Variants in SPIDR observed in about 807,000 individuals in gnomAD.
The protein encoded by SPIDR is DNA repair-scaffolding protein.
In SPIDR, 93 loss-of-function variants were observed where a neutral mutation model predicts 104.6. The ratio of observed to expected loss-of-function variants is 0.89; its 90% CI spans 0.75 to 1.06. The LOEUF (loss-of-function observed/expected upper bound fraction) is 1.06, where lower values mean the gene tolerates loss of function less well. SPIDR is among the 50% of genes least tolerant of loss of function. SPIDR has a pLI of 0.00. For missense variants in SPIDR, 1,154 were observed against 1,111.2 expected (o/e 1.04, Z -0.55); for synonymous variants, 431 against 416.9 (o/e 1.03, Z -0.41).
chr8:47,294,018 G>A lies in SPIDR; in HGVS notation c.513G>A (p.Ser171=), dbSNP rs1254655877. ...NQSLTSDEKL[S]ELPKPSSIEI... is the part of the protein sequence containing the mutation. Reference sequence around the variant, plus strand: ...CTTTGACAAGTGATGAGAAGCTGTCGGAGCTTCCCAAGGTAAGAATGAAGT... The same window carrying A: ...CTTTGACAAGTGATGAGAAGCTGTCAGAGCTTCCCAAGGTAAGAATGAAGT... Residue 171 remains serine (S), a synonymous_variant, in exon 5 of 20, where the codon TCG becomes TCA. Coordinates refer to ENST00000297423, the MANE Select transcript of SPIDR (RefSeq NM_001080394.4). 1.4e-5 allele frequency: 23 copies of A among 1,613,194 alleles called. No homozygotes were observed. In the Admixed American group the frequency reaches 2.5e-4, roughly 18 times the overall value.
At chr8:47,334,777 T>C (rs1466130381) in intron 5 of SPIDR, among the ~76,000 whole-genome samples, 2 of 152,222 alleles carry the variant, frequency 1.3e-5, no homozygotes, top group Non-Finnish European at 1.5e-5. Flanking sequence ...TGGATTAATA[T>C]CTACCATATT....
chr8:47,303,670 C>T (rs894344709), intron 5 of SPIDR, among the ~76,000 whole-genome samples: 1 of 152,148 alleles, frequency 6.6e-6, no homozygotes, highest in Non-Finnish European at 1.5e-5. Flanking sequence ...TATTTATTTG[C>T]ATATGTTGAA....
chr8:47,432,237 G>T (rs1220706659), intron 7 of SPIDR, among the ~76,000 whole-genome samples: 4 of 152,186 alleles, frequency 2.6e-5, no homozygotes, highest in African/African-American at 7.2e-5. Flanking sequence ...AGTTTTTAGT[G>T]CATGTTAATG....
intron 8 of SPIDR, among the ~76,000 whole-genome samples, chr8:47,461,477 A>C (rs2073921553): frequency 1.3e-5 from 2 of 152,068 alleles, no homozygotes; most frequent in Admixed American, 6.6e-5. Flanking sequence ...AGGTCCAGCT[A>C]ATTTTTGTAT....
At chr8:47,513,741 T>G (rs2082708599) in intron 8 of SPIDR, among the ~76,000 whole-genome samples, 1 of 152,204 alleles carries the variant, frequency 6.6e-6, no homozygotes, top group Non-Finnish European at 1.5e-5. Flanking sequence ...ATGTTTCATT[T>G]TATTTTTAGA....
At chr8:47,573,052 T>C (rs1001412166) in intron 8 of SPIDR, among the ~76,000 whole-genome samples, 4 of 152,244 alleles carry the variant, frequency 2.6e-5, no homozygotes, top group Non-Finnish European at 4.4e-5. Flanking sequence ...TTTACATTAA[T>C]TTTTCAGGTA....
intron 8 of SPIDR, among the ~76,000 whole-genome samples, chr8:47,587,842 T>C (rs146231833): frequency 0.014 from 2,107 of 151,082 alleles, 36 homozygotes; most frequent in East Asian, 0.045. Context: ...GTAGTATATT[T>C]CTGGGTTCTT....
intron 8 of SPIDR, among the ~76,000 whole-genome samples, chr8:47,456,428 C>T (rs140534195): frequency 1.8e-3 from 280 of 152,248 alleles, no homozygotes; most frequent in African/African-American, 6.6e-3. Context: ...TATTTTGTTA[C>T]GATAGCTCTA....
chr8:47,606,784 A>G (rs1219800249), intron 10 of SPIDR, among the ~76,000 whole-genome samples: 1 of 152,202 alleles, frequency 6.6e-6, no homozygotes, highest in Non-Finnish European at 1.5e-5. Context: ...TGCTGGGTGA[A>G]TACAGCTCTT....
chr8:47,280,342 C>T (rs1385850857), intron 2 of SPIDR, among the ~76,000 whole-genome samples: 2 of 150,966 alleles, frequency 1.3e-5, no homozygotes, highest in East Asian at 3.9e-4. Context: ...GCTATCTTGC[C>T]TCAGCGTGTC....
intron 10 of SPIDR, among the ~76,000 whole-genome samples, chr8:47,636,031 T>A (rs2067870644): frequency 6.6e-6 from 1 of 152,244 alleles, no homozygotes; most frequent in African/African-American, 2.4e-5. Flanking sequence ...GATAGAGCAT[T>A]TATTTACTAC....
chr8:47,451,252 T>G (rs1554705778), intron 8 of SPIDR, among the ~76,000 whole-genome samples: 1 of 151,990 alleles, frequency 6.6e-6, no homozygotes, highest in African/African-American at 2.4e-5. Context: ...CAAAGAGAAA[T>G]TCTGGAGCTG....
intron 8 of SPIDR, among the ~76,000 whole-genome samples, chr8:47,489,275 C>T (rs1440334760): frequency 1.3e-5 from 2 of 152,110 alleles, no homozygotes; most frequent in African/African-American, 2.4e-5. Flanking sequence ...GAATAAAATA[C>T]CTGGGAATCC....
intron 8 of SPIDR, among the ~76,000 whole-genome samples, chr8:47,539,120 C>G (rs2087567812): frequency 6.6e-6 from 1 of 151,986 alleles, no homozygotes; most frequent in South Asian, 2.1e-4. Flanking sequence ...TTCAGCCTCC[C>G]AAAGTGCTGG....
intron 8 of SPIDR, among the ~76,000 whole-genome samples, chr8:47,493,077 GTT>G (rs2078994206): frequency 2.7e-5 from 4 of 146,120 alleles, no homozygotes; most frequent in African/African-American, 1.1e-4. Context: ...GTGTGTGTGT[GTT>G]TAAATAGAAC....
chr8:47,442,528 G>T (rs373686507), intron 8 of SPIDR, among the ~76,000 whole-genome samples: 2 of 152,100 alleles, frequency 1.3e-5, no homozygotes, highest in South Asian at 4.1e-4. Flanking sequence ...TCCCCTCTCC[G>T]TGTTCATGGA....
At chr8:47,658,304 G>A (rs2154461017) in intron 10 of SPIDR, among the ~76,000 whole-genome samples, 1 of 151,964 alleles carries the variant, frequency 6.6e-6, no homozygotes, top group African/African-American at 2.4e-5. Flanking sequence ...TGTAGTCCCA[G>A]CTACTCGGGA....
At chr8:47,646,897 T>C (rs957155393) in intron 10 of SPIDR, among the ~76,000 whole-genome samples, 1 of 152,190 alleles carries the variant, frequency 6.6e-6, no homozygotes, top group African/African-American at 2.4e-5. Context: ...ACGTTATATA[T>C]ATTTTGGAAA....
chr8:47,722,782 C>CT (rs377517120), intron 16 of SPIDR, among the ~76,000 whole-genome samples: 48 of 146,692 alleles, frequency 3.3e-4, no homozygotes, highest in South Asian at 4.3e-4. Context: ...TTTTTTCATC[C>CT]TTTTTTTTTT....
Sources: allele counts gnomAD v4.1 joint callset (sites outside exome capture counted in the v4.1 genomes callset), GRCh38; gene constraint gnomAD v4.1.1; transcripts MANE v1.5; gene names NCBI Gene and HGNC (gene_info 2026-07-23, HGNC 2026-07-21).